The following ADAMTS3 variants were observed in gnomAD, a reference collection of about 807,000 sequenced individuals.
ADAMTS3 encodes the protein ADAM metallopeptidase with thrombospondin type 1 motif 3, also known as A disintegrin and metalloproteinase with thrombospondin motifs 3.
In ADAMTS3, 73 loss-of-function variants were observed where a neutral mutation model predicts 129.0. The ratio of observed to expected loss-of-function variants is 0.57; its 90% confidence interval spans 0.47 to 0.69. The LOEUF (loss-of-function observed/expected upper bound fraction) is 0.69. ADAMTS3 is among the 30% of genes least tolerant of loss of function. The pLI is 0.00. For synonymous variants in ADAMTS3, 477 were observed against 510.8 expected (o/e 0.93, Z 0.89); for missense variants, 1,457 against 1,514.5 (o/e 0.96, Z 0.63).
At chr4:72,311,666 G>GT (rs1348340488) in intron 13 of ADAMTS3, among the ~76,000 whole-genome samples, 1 of 152,076 alleles carries the variant, frequency 6.6e-6, no homozygotes, top group East Asian at 1.9e-4. Context: ...TTCTTAACGT[G>GT]TATTCCTCTT....
intron 4 of ADAMTS3, among the ~76,000 whole-genome samples, chr4:72,381,862 A>T (rs1215794134): frequency 6.6e-6 from 1 of 152,198 alleles, no homozygotes; most frequent in African/African-American, 2.4e-5. Context: ...TGAAATATTG[A>T]TAACCAGGAA....
chr4:72,382,563 T>C (rs1361148927), intron 4 of ADAMTS3, among the ~76,000 whole-genome samples: 1 of 152,102 alleles, frequency 6.6e-6, no homozygotes, highest in Non-Finnish European at 1.5e-5. Flanking sequence ...AACAGTTTTA[T>C]CAAGAAGATA....
intron 3 of ADAMTS3, among the ~76,000 whole-genome samples, chr4:72,540,665 C>A (rs905592851): frequency 1.3e-5 from 2 of 152,148 alleles, no homozygotes; most frequent in Non-Finnish European, 2.9e-5. Flanking sequence ...TGTGTGCAGT[C>A]TAGAGACTCA....
At chr4:72,454,330 A>C (rs1477484905) in intron 3 of ADAMTS3, among the ~76,000 whole-genome samples, 1 of 151,736 alleles carries the variant, frequency 6.6e-6, no homozygotes, top group Non-Finnish European at 1.5e-5. Flanking sequence ...AATTAATAAA[A>C]TCCAAAGATA....
In ADAMTS3 at chr4:72,459,267, T is replaced by C. The variant is rs189812729; in HGVS notation, c.505-44296A>G. On this transcript the variant is annotated intron_variant, in intron 3 of 21. Coordinates refer to ENST00000286657, the MANE Select transcript of ADAMTS3 (RefSeq NM_014243.3). ...TAACTGCTTGCTCTGTGTAGAGATA[T>C]TGGAAGATGGCTTTCCCAGCATAGA... Among the ~76,000 whole-genome samples, 23 of 151,630 alleles carry C rather than the reference T, an allele frequency of 1.5e-4. No homozygotes were observed. In the East Asian group the frequency reaches 3.9e-3, roughly 26 times the overall value.
At chr4:72,296,569 T>C (rs189114100) in intron 18 of ADAMTS3, among the ~76,000 whole-genome samples, 1 of 152,252 alleles carries the variant, frequency 6.6e-6, no homozygotes, top group Non-Finnish European at 1.5e-5. Context: ...TCACATTTGC[T>C]ATATTTCTTT....
At chr4:72,432,495 C>G (rs903508864) in intron 3 of ADAMTS3, among the ~76,000 whole-genome samples, 5 of 151,948 alleles carry the variant, frequency 3.3e-5, no homozygotes, top group Non-Finnish European at 7.4e-5. Context: ...AGTTCCTTAT[C>G]ACCGCCCACA....
chr4:72,456,079 C>T (rs1718584353), intron 3 of ADAMTS3, among the ~76,000 whole-genome samples: 1 of 39,424 alleles, frequency 2.5e-5, no homozygotes, highest in Non-Finnish European at 4.5e-5. Flanking sequence ...AGTATATATA[C>T]TATATATATT....
intron 3 of ADAMTS3, among the ~76,000 whole-genome samples, chr4:72,504,666 G>A (rs566769540): frequency 2.0e-5 from 3 of 151,940 alleles, no homozygotes; most frequent in African/African-American, 7.3e-5. Context: ...ATCTTTTACA[G>A]GTTGTTTTCT....
At chr4:72,290,665 T>A (rs373917076) in intron 20 of ADAMTS3, among the ~76,000 whole-genome samples, 190 bp downstream of exon 20, 6 of 152,300 alleles carry the variant, frequency 3.9e-5, no homozygotes, top group African/African-American at 1.2e-4. Flanking sequence ...ATGAAACACA[T>A]AAACATGGTT....
chr4:72,516,861 T>G (rs2109733838), intron 3 of ADAMTS3, among the ~76,000 whole-genome samples: 1 of 152,192 alleles, frequency 6.6e-6, no homozygotes, highest in South Asian at 2.1e-4. Flanking sequence ...TGGCCAGAAC[T>G]TCCAACACTC....
At chr4:72,416,631 A>C (rs73827092) in intron 3 of ADAMTS3, among the ~76,000 whole-genome samples, 5,283 of 152,240 alleles carry the variant, frequency 0.035, 313 homozygotes, top group African/African-American at 0.12. Context: ...GTCATGTACT[A>C]TGAAATGCAC....
chr4:72,522,071 T>C (rs4694123), intron 3 of ADAMTS3, among the ~76,000 whole-genome samples: 38,573 of 152,026 alleles, frequency 0.25, 5,065 homozygotes, highest in Middle Eastern at 0.34. Context: ...TGAACCTTAA[T>C]TGAGTTGGCA....
intron 5 of ADAMTS3, among the ~76,000 whole-genome samples, chr4:72,328,100 A>G (rs1003633371): frequency 2.0e-5 from 3 of 152,204 alleles, no homozygotes; most frequent in Admixed American, 6.5e-5. Context: ...ACAAAAAAAC[A>G]CTGAGTATCT....
intron 2 of ADAMTS3, among the ~76,000 whole-genome samples, chr4:72,555,174 T>C (rs2109797927): frequency 6.6e-6 from 1 of 151,898 alleles, no homozygotes; most frequent in East Asian, 1.9e-4. Context: ...ACCCTCCCAC[T>C]TCAAAAGTAG....
chr4:72,307,252 G>A (rs1296468423), intron 15 of ADAMTS3, among the ~76,000 whole-genome samples: 1 of 151,938 alleles, frequency 6.6e-6, no homozygotes, highest in Non-Finnish European at 1.5e-5. Flanking sequence ...TGGGATCAGG[G>A]TGTTCAGCAC....
chr4:72,490,732 T>A (rs910698605), intron 3 of ADAMTS3, among the ~76,000 whole-genome samples: 1 of 151,916 alleles, frequency 6.6e-6, no homozygotes, highest in African/African-American at 2.4e-5. Context: ...TTTTAATTAG[T>A]GTAGCTTTGT....
At chr4:72,387,149 T>C (rs546735868) in intron 4 of ADAMTS3, among the ~76,000 whole-genome samples, 73 of 152,332 alleles carry the variant, frequency 4.8e-4, no homozygotes, top group African/African-American at 1.7e-3. Flanking sequence ...CTGACTCTAC[T>C]CCCTTTAGAG....
intron 17 of ADAMTS3, among the ~76,000 whole-genome samples, chr4:72,301,884 T>C (rs1309425339): frequency 1.3e-5 from 2 of 152,038 alleles, no homozygotes; most frequent in Non-Finnish European, 2.9e-5. Context: ...AGAGATCACC[T>C]AGAAATCTAC....
Sources: allele counts gnomAD v4.1 joint callset (sites outside exome capture counted in the v4.1 genomes callset), GRCh38; gene constraint gnomAD v4.1.1; transcripts MANE v1.5; gene names NCBI Gene and HGNC (gene_info 2026-07-23, HGNC 2026-07-21).